The following ST3GAL3 variants were observed in gnomAD, a reference collection of about 807,000 sequenced individuals.
ST3GAL3 encodes CMP-N-acetylneuraminate-beta-1,4-galactoside alpha-2,3-sialyltransferase.
A neutral mutation model predicts 50.1 loss-of-function variants in ST3GAL3; 21 were observed. That is an observed-to-expected ratio of 0.42 (90% CI 0.30 to 0.60). The LOEUF (loss-of-function observed/expected upper bound fraction) is 0.60, where lower values mean the gene tolerates loss of function less well. Among genes scored for constraint, ST3GAL3 ranks in the 20% least tolerant of loss-of-function variants. ST3GAL3 has a pLI of 0.19. For synonymous variants in ST3GAL3, 183 were observed against 190.0 expected (o/e 0.96, Z 0.30); for missense variants, 353 against 489.4 (o/e 0.72, Z 2.63).
intron 4 of ST3GAL3, among the ~76,000 whole-genome samples, chr1:43,817,386 TCTTCTC>T (rs2061379838): frequency 1.1e-5 from 1 of 93,238 alleles, no homozygotes; most frequent in East Asian, 3.4e-4. Context: ...TTCTCCTTCT[TCTTCTC>T]CTCCTTTTTC....
At chr1:43,848,735 C>T (rs1277030678) in intron 5 of ST3GAL3, among the ~76,000 whole-genome samples, 1 of 152,118 alleles carries the variant, frequency 6.6e-6, no homozygotes, top group African/African-American at 2.4e-5. Context: ...CATATTTTCT[C>T]AAATATTTTT....
intron 1 of ST3GAL3, among the ~76,000 whole-genome samples, chr1:43,723,401 G>A (rs955776246): frequency 1.3e-5 from 2 of 151,822 alleles, no homozygotes; most frequent in African/African-American, 2.4e-5. Flanking sequence ...GAGCCACCAC[G>A]CCCGGCCTTC....
rs540831001 is a variant in ST3GAL3, at chr1:43,708,453, T to G, written c.-31+760T>G. Among the ~76,000 whole-genome samples the G allele has an allele frequency of 5.9e-5, 9 of 152,334 alleles. No individual in the cohort carries two copies. In the South Asian group the frequency reaches 1.4e-3, roughly 25 times the overall value. On this transcript the variant is annotated intron_variant, in intron 1 of 11. Coordinates refer to ENST00000347631, the MANE Select transcript of ST3GAL3 (RefSeq NM_006279.5). ...TAAAATACTCAAACTTTTCAGTGGA[T>G]GTACTGTGAATTATAGATAGCTGGA...
chr1:43,874,239 T>C (rs76688284), intron 5 of ST3GAL3, among the ~76,000 whole-genome samples: 2,473 of 152,308 alleles, frequency 0.016, 30 homozygotes, highest in African/African-American at 0.018. Context: ...AATGTATGGT[T>C]ACTCTGTTGA....
intron 2 of ST3GAL3, among the ~76,000 whole-genome samples, chr1:43,788,043 G>A (rs1291170951): frequency 1.3e-5 from 2 of 152,120 alleles, no homozygotes; most frequent in Non-Finnish European, 2.9e-5. Flanking sequence ...ATCCTAGAGC[G>A]GGATTCAGAA....
At chr1:43,903,263 C>G (rs1401396789) in intron 9 of ST3GAL3, among the ~76,000 whole-genome samples, 1 of 152,136 alleles carries the variant, frequency 6.6e-6, no homozygotes, top group Non-Finnish European at 1.5e-5. Context: ...CTGGAGACAC[C>G]CCATCCACTG....
chr1:43,904,148 A>T (rs1255978850), intron 9 of ST3GAL3, among the ~76,000 whole-genome samples: 1 of 152,064 alleles, frequency 6.6e-6, no homozygotes, highest in East Asian at 1.9e-4. Flanking sequence ...GGCCTAGAGG[A>T]GGGAGAGACA....
chr1:43,774,518 C>T (rs1323852477), intron 2 of ST3GAL3, among the ~76,000 whole-genome samples: 2 of 152,008 alleles, frequency 1.3e-5, no homozygotes, highest in Non-Finnish European at 2.9e-5. Context: ...AGGGGCCCAG[C>T]AAAAGAATGA....
intron 2 of ST3GAL3, among the ~76,000 whole-genome samples, chr1:43,786,664 G>T (rs2057377405): frequency 6.6e-6 from 1 of 151,998 alleles, no homozygotes; most frequent in African/African-American, 2.4e-5. Flanking sequence ...TGGTTGTTTT[G>T]TATCTCCCTG....
intron 11 of ST3GAL3, among the ~76,000 whole-genome samples, chr1:43,929,235 ACATCTAT>A (rs1273190213): frequency 6.6e-6 from 1 of 152,216 alleles, no homozygotes; most frequent in Non-Finnish European, 1.5e-5. Flanking sequence ...CACAATGTAT[ACATCTAT>A]CAAAACATCA....
intron 5 of ST3GAL3, among the ~76,000 whole-genome samples, chr1:43,885,548 G>A (rs1054300241): frequency 4.0e-5 from 6 of 151,882 alleles, no homozygotes; most frequent in African/African-American, 7.3e-5. Context: ...CCACACCCCC[G>A]CTAGTCTGAC....
intron 4 of ST3GAL3, among the ~76,000 whole-genome samples, chr1:43,834,936 C>T (rs1201990268): frequency 6.6e-6 from 1 of 152,206 alleles, no homozygotes; most frequent in Non-Finnish European, 1.5e-5. Context: ...TGACCCATTG[C>T]TTGGCCTGAT....
chr1:43,874,687 A>C (rs1244245595), intron 5 of ST3GAL3, among the ~76,000 whole-genome samples: 1 of 152,240 alleles, frequency 6.6e-6, no homozygotes, highest in Non-Finnish European at 1.5e-5. Context: ...TTAGTTACAA[A>C]TATGGGCAGT....
chr1:43,856,195 A>T (rs2068331512), intron 5 of ST3GAL3, among the ~76,000 whole-genome samples: 1 of 152,266 alleles, frequency 6.6e-6, no homozygotes, highest in African/African-American at 2.4e-5. Flanking sequence ...TCACAAATGC[A>T]TGTATACAAA....
At chr1:43,860,947 C>T (rs566553050) in intron 5 of ST3GAL3, among the ~76,000 whole-genome samples, 6 of 152,340 alleles carry the variant, frequency 3.9e-5, no homozygotes, top group East Asian at 3.9e-4. Flanking sequence ...GTTGGCACTG[C>T]GGTGAGGCTG....
At chr1:43,852,159 G>A (rs1240345631) in intron 5 of ST3GAL3, among the ~76,000 whole-genome samples, 1 of 152,132 alleles carries the variant, frequency 6.6e-6, no homozygotes, top group African/African-American at 2.4e-5. Flanking sequence ...AAGCCAGCCT[G>A]TTTGCTCTCA....
chr1:43,919,969 G>A (rs568157245), intron 9 of ST3GAL3: 3 of 336,670 alleles, frequency 8.9e-6, no homozygotes, highest in Non-Finnish European at 1.7e-5. Context: ...AGCCAGGAGA[G>A]AGCAGCAAGG....
intron 1 of ST3GAL3, among the ~76,000 whole-genome samples, chr1:43,718,838 C>T (rs1439292258): frequency 3.3e-5 from 5 of 152,022 alleles, no homozygotes; most frequent in Non-Finnish European, 5.9e-5. Context: ...CAGGGGCCCA[C>T]CACCACGCTT....
At chr1:43,897,439 G>A (rs2077553382) in intron 6 of ST3GAL3, among the ~76,000 whole-genome samples, 1 of 152,202 alleles carries the variant, frequency 6.6e-6, no homozygotes, top group Admixed American at 6.5e-5. Flanking sequence ...ACAGAGCACA[G>A]CCAGTATTTG....
Sources: allele counts gnomAD v4.1 joint callset (sites outside exome capture counted in the v4.1 genomes callset), GRCh38; gene constraint gnomAD v4.1.1; transcripts MANE v1.5; gene names NCBI Gene and HGNC (gene_info 2026-07-23, HGNC 2026-07-21).